C6orf89: variants seen among roughly 807,000 people sequenced by gnomAD.
C6orf89 encodes the protein chromosome 6 open reading frame 89, also known as bombesin receptor-activated protein C6orf89.
In C6orf89, 29 loss-of-function variants were observed where a neutral mutation model predicts 40.7. The ratio of observed to expected loss-of-function variants is 0.71; its 90% CI spans 0.53 to 0.97. The LOEUF is 0.97. C6orf89 is among the 50% of genes least tolerant of loss of function. C6orf89 has a pLI of 0.00. For missense variants in C6orf89, 392 were observed against 429.1 expected (o/e 0.91, Z 0.76); for synonymous variants, 165 against 152.2 (o/e 1.08, Z -0.62).
chr6:36,917,552 C>A (rs915495736), intron 7 of C6orf89, among the ~76,000 whole-genome samples: 1 of 152,218 alleles, frequency 6.6e-6, no homozygotes, highest in African/African-American at 2.4e-5. Context: ...ACTATGGCCC[C>A]CTGCCACCTC....
At chr6:36,913,875 T>TA (rs1255584107) in intron 4 of C6orf89, among the ~76,000 whole-genome samples, 1 of 149,774 alleles carries the variant, frequency 6.7e-6, no homozygotes, top group African/African-American at 2.4e-5. Context: ...TAAAAATTAT[T>TA]ATGGGCTGGA....
At chr6:36,901,289 GTATTATTATTAT>G (rs1337857767) in intron 3 of C6orf89, among the ~76,000 whole-genome samples, 15 of 79,538 alleles carry the variant, frequency 1.9e-4, no homozygotes, top group African/African-American at 2.4e-4. Context: ...GCCCCTTTGT[GTATTATTATTAT>G]TATTATTATT....
intron 1 of C6orf89, among the ~76,000 whole-genome samples, chr6:36,875,630 TA>T (rs35158936): frequency 0.3 from 45,930 of 152,206 alleles, 7,246 homozygotes; most frequent in African/African-American, 0.35. Flanking sequence ...TACCTAAACT[TA>T]ACGCTGTAAA....
At position 36,904,829 on chromosome 6, in the gene C6orf89, C is replaced by G. The variant is rs546335135; in HGVS notation, c.403+2395C>G. ...ACACTCCCAGGGTCATCTGGTGCTC[C>G]TTGCAGTGGCACCTCGGGAATGATG... On this transcript the variant is annotated intron_variant, in intron 4 of 8. Transcript: ENST00000480824. Among the ~76,000 whole-genome samples the G allele has an allele frequency of 5.3e-5, 8 of 152,242 alleles. No individual in the cohort carries two copies. In the East Asian group the frequency reaches 1.5e-3, roughly 29 times the overall value.
intron 4 of C6orf89, among the ~76,000 whole-genome samples, chr6:36,905,315 C>T (rs1207176659): frequency 1.3e-5 from 2 of 152,158 alleles, no homozygotes; most frequent in Non-Finnish European, 2.9e-5. Context: ...CTGAGCCCTT[C>T]GCCTCTGATG....
intron 4 of C6orf89, among the ~76,000 whole-genome samples, chr6:36,910,874 T>C (rs1762101645): frequency 6.6e-6 from 1 of 152,200 alleles, no homozygotes; most frequent in South Asian, 2.1e-4. Flanking sequence ...AATGAGATTA[T>C]TTTCCATTTC....
upstream of C6orf89, chr6:36,885,731 A>C: frequency 3.1e-6 from 1 of 327,034 alleles, no homozygotes; most frequent in East Asian, 4.6e-5. Context: ...TAAATTAGGA[A>C]GACAAGGATT....
intron 1 of C6orf89, chr6:36,892,937 ATT>A (rs70975194): frequency 0.091 from 13,435 of 147,008 alleles, 727 homozygotes; most frequent in Admixed American, 0.13. Context: ...TTATGTTTGA[ATT>A]TTTTTTTTTT....
At chr6:36,892,811 C>G (rs555072158) in intron 1 of C6orf89, 2 of 152,274 alleles carry the variant, frequency 1.3e-5, no homozygotes, top group Admixed American at 6.5e-5. Context: ...GAACTTCCCC[C>G]TGTAGCAAAG....
Position 36,928,086 on chromosome 6 carries a change from T to C in C6orf89, c.*4645T>C, listed in dbSNP as rs1762746590. The C allele has an allele frequency of 6.6e-6, 1 of 152,206 alleles. No homozygotes were observed. Among genetic ancestry groups the C allele is most frequent in the Non-Finnish European group, 1.5e-5 (1 of 68,036 alleles). 9.4% of individuals were successfully genotyped at this position (152,206 alleles called of 1,614,324 possible). The stretch of plus-strand genomic sequence containing the variant: ...AATACATCTGTCATATTCCTCTCCC[T>C]GGAGACTGCGAAATGTCCAGACTTT... On this transcript the variant is annotated 3_prime_UTR_variant, in exon 9 of 9. Coordinates refer to ENST00000480824, the MANE Select transcript of C6orf89 (RefSeq NM_001286635.2).
chr6:36,892,126 T>C (rs1761228486), intron 1 of C6orf89, among the ~76,000 whole-genome samples: 2 of 152,166 alleles, frequency 1.3e-5, no homozygotes. Context: ...GTGGAGAACA[T>C]CTCATCAGAG....
At chr6:36,896,689 A>G (rs559591526) in intron 2 of C6orf89, among the ~76,000 whole-genome samples, 5 of 152,146 alleles carry the variant, frequency 3.3e-5, no homozygotes, top group Non-Finnish European at 5.9e-5. Flanking sequence ...TTCTTTTGCT[A>G]CTTGTTCTTT....
At chr6:36,894,071 G>T (rs574087130) in intron 1 of C6orf89, among the ~76,000 whole-genome samples, 1 of 151,486 alleles carries the variant, frequency 6.6e-6, no homozygotes, top group Admixed American at 6.6e-5. Context: ...ACTTGAGGAG[G>T]CTTACAAAGG....
chr6:36,913,238 C>T (rs888314847), intron 4 of C6orf89, among the ~76,000 whole-genome samples: 7 of 152,022 alleles, frequency 4.6e-5, no homozygotes, highest in Admixed American at 2.6e-4. Context: ...GTCAGGGAGC[C>T]GCTGTCACAC....
At chr6:36,874,965 G>A (rs1220128347) in intron 1 of C6orf89, 3 of 621,140 alleles carry the variant, frequency 4.8e-6, no homozygotes, top group Non-Finnish European at 8.4e-6. Context: ...GAAGAAGCTG[G>A]GCTCAAGAAC....
At chr6:36,889,912 T>TA (rs1033972897) in intron 1 of C6orf89, among the ~76,000 whole-genome samples, 2 of 152,192 alleles carry the variant, frequency 1.3e-5, no homozygotes, top group Non-Finnish European at 2.9e-5. Context: ...GTAGTTCTGG[T>TA]AAAAACAGAA....
At chr6:36,910,782 G>A (rs1008696160) in intron 4 of C6orf89, among the ~76,000 whole-genome samples, 3 of 150,878 alleles carry the variant, frequency 2.0e-5, no homozygotes, top group African/African-American at 7.3e-5. Flanking sequence ...TCCCACCTCA[G>A]CCTCCCAAAG....
chr6:36,908,767 G>T (rs986946010), intron 4 of C6orf89, among the ~76,000 whole-genome samples: 1 of 152,048 alleles, frequency 6.6e-6, no homozygotes, highest in African/African-American at 2.4e-5. Flanking sequence ...CAGAAATCCA[G>T]GTTGATAGGG....
At chr6:36,886,094 C>G (rs1435074552) in intron 1 of C6orf89, 66 bp downstream of exon 1, 26 of 1,211,378 alleles carry the variant, frequency 2.1e-5, no homozygotes, top group Non-Finnish European at 2.6e-5. Context: ...CCGCGCCCGT[C>G]TCTGACATCC....
Sources: gnomAD v4.1 joint callset for allele counts (sites outside exome capture counted in the v4.1 genomes callset) on GRCh38, gnomAD v4.1.1 for gene constraint, MANE v1.5 for transcripts, NCBI Gene and HGNC (gene_info 2026-07-23, HGNC 2026-07-21) for gene names.